FBXL18: variants seen among roughly 807,000 people sequenced by gnomAD.
FBXL18 encodes F-box/LRR-repeat protein 18.
In FBXL18, 36 loss-of-function variants were observed where a neutral mutation model predicts 46.0. That is an observed-to-expected ratio of 0.78 (90% CI 0.60 to 1.03). The LOEUF is 1.03. Ranked by LOEUF, FBXL18 falls within the 50% of genes least tolerant of loss-of-function variation. FBXL18 has a pLI of 0.00. For synonymous variants in FBXL18, 557 were observed against 465.3 expected (o/e 1.20, Z -2.54); for missense variants, 977 against 1,004.1 (o/e 0.97, Z 0.36).
At chr7:5,471,632 G>A (rs771846383), downstream of FBXL18, among the ~76,000 whole-genome samples, 10 of 151,658 alleles carry the variant, frequency 6.6e-5, 1 homozygote, top group South Asian at 6.3e-4. Context: ...GGATGGTCTC[G>A]ATCTCCTGAC....
chr7:5,493,358 G>A (rs986297929), intron 3 of FBXL18, among the ~76,000 whole-genome samples: 1 of 152,086 alleles, frequency 6.6e-6, no homozygotes, highest in African/African-American at 2.4e-5. Context: ...CTGGAGTGCA[G>A]TGGCGTGATC....
intron 2 of FBXL18, among the ~76,000 whole-genome samples, chr7:5,502,846 A>AC (rs1168696517): frequency 6.6e-6 from 1 of 152,010 alleles, no homozygotes; most frequent in African/African-American, 2.4e-5. Flanking sequence ...AAAAAAAAAA[A>AC]AACGGTTTGG....
chr7:5,510,817 C>T (rs911941157), intron 1 of FBXL18, among the ~76,000 whole-genome samples: 1 of 152,250 alleles, frequency 6.6e-6, no homozygotes, highest in South Asian at 2.1e-4. Context: ...GCTGAGGCTT[C>T]CAGACAGGTC....
chr7:5,502,014 C>T lies in FBXL18; in HGVS notation c.255G>A (p.Val85=), dbSNP rs565205564. 3 of 1,600,536 alleles carry T rather than the reference C, an allele frequency of 1.9e-6. No homozygotes were observed. The highest frequency in any genetic ancestry group is 4.5e-5 in the East Asian group (2 of 44,474). ...GGCCGATCTCCTTCACCAGCTGCCTCACTTTGTCCTCGCTCGCCTGCGGGA... is the reference window on the plus strand; with the variant it reads ...GGCCGATCTCCTTCACCAGCTGCCTTACTTTGTCCTCGCTCGCCTGCGGGA... The part of the protein sequence containing the change: ...QKDYQASEDK[V]RQLVKEIGRE... Residue 85 remains valine, a synonymous_variant, in exon 3 of 5, where the codon GTG becomes GTA. Transcript: ENST00000382368.
At chr7:5,489,892 C>G (rs1562690785) in intron 4 of FBXL18, 1 of 903,256 alleles carries the variant, frequency 1.1e-6, no homozygotes, top group Non-Finnish European at 1.5e-6. Flanking sequence ...TTGCAGTGAG[C>G]TGAGATCCCG....
At chr7:5,509,111 T>G (rs935868971) in intron 1 of FBXL18, among the ~76,000 whole-genome samples, 2 of 150,922 alleles carry the variant, frequency 1.3e-5, no homozygotes, top group Non-Finnish European at 2.9e-5. Flanking sequence ...AAGAATCGCT[T>G]GAACCCGGGA....
At chr7:5,492,781 A>G (rs1055090875) in intron 3 of FBXL18, among the ~76,000 whole-genome samples, 4 of 152,116 alleles carry the variant, frequency 2.6e-5, no homozygotes, top group African/African-American at 9.7e-5. Flanking sequence ...CGTGTCCACC[A>G]GCCAAGCAGT....
downstream of FBXL18, among the ~76,000 whole-genome samples, chr7:5,473,045 G>GT (rs1783454895): frequency 6.6e-6 from 1 of 152,084 alleles, no homozygotes. Flanking sequence ...GCAGCACAGA[G>GT]TATCAGCCCC....
chr7:5,463,716 A>AT (rs1783292924), intron 4 of FBXL18, among the ~76,000 whole-genome samples: 10 of 61,414 alleles, frequency 1.6e-4, no homozygotes, highest in Non-Finnish European at 2.4e-4. Context: ...TTATTTATTT[A>AT]TTTATTTATT....
rs756211838 is a variant in FBXL18 at position 5,490,234 on chromosome 7, G to C, written c.2000+997C>G. 18 of 1,319,446 alleles carry C rather than the reference G, an allele frequency of 1.4e-5. No homozygotes were observed. In the South Asian group the frequency reaches 2.2e-4, roughly 16 times the overall value. The allele number at this position is 1,319,446 out of a possible 1,614,324, so 81.7% of individuals were successfully genotyped here. On this transcript the variant is annotated intron_variant, in intron 4 of 4. Transcript: ENST00000382368. ...CCACCTGCAGGGACACGAACACTCA[G>C]GGCGTTCATGTCCTGCTGCCCCCTT... is the stretch of plus-strand genomic sequence containing the variant.
intron 4 of FBXL18, among the ~76,000 whole-genome samples, chr7:5,456,264 C>A (rs981936414): frequency 6.6e-6 from 1 of 152,234 alleles, no homozygotes. Context: ...TCCCCCTGCA[C>A]CAGTCAGCCT....
Position 5,496,234 on chromosome 7 carries a change from G to T in FBXL18, c.1781+4254C>A, listed in dbSNP as rs34794298. Among the ~76,000 whole-genome samples the T allele has an allele frequency of 0.15, 22,142 of 152,142 alleles. 1,725 individuals are homozygous for T. The highest frequency in any genetic ancestry group is 0.21 in the South Asian group (995 of 4,822). ...TCAGAGGTTGTTGAGAATATCAAAG[G>T]GGTCAAGACCTGTACACCCATGAAA... On this transcript the variant is annotated intron_variant, in intron 3 of 4. Transcript: ENST00000382368. This position sits in a 1 kb window ranked among gnomAD's most constrained non-coding sequence, Gnocchi z 4.8.
At chr7:5,473,605 T>C (rs1783462075), downstream of FBXL18, among the ~76,000 whole-genome samples, 1 of 146,408 alleles carries the variant, frequency 6.8e-6, no homozygotes, top group Non-Finnish European at 1.5e-5. Flanking sequence ...CTACTAAAAA[T>C]ACAAAAAACA....
At chr7:5,486,187 G>T (rs954627684) in intron 4 of FBXL18, among the ~76,000 whole-genome samples, 1 of 147,706 alleles carries the variant, frequency 6.8e-6, no homozygotes, top group Non-Finnish European at 1.5e-5. Flanking sequence ...GAAGGCAGAG[G>T]TTGCAGTGAA....
At chr7:5,460,691 G>A (rs1184179887) in intron 4 of FBXL18, among the ~76,000 whole-genome samples, 3 of 152,170 alleles carry the variant, frequency 2.0e-5, no homozygotes, top group Non-Finnish European at 2.9e-5. Flanking sequence ...GACCCCAAGC[G>A]ATCTGCCCAC....
At chr7:5,508,429 G>A (rs936050101) in intron 1 of FBXL18, among the ~76,000 whole-genome samples, 3 of 144,166 alleles carry the variant, frequency 2.1e-5, no homozygotes, top group East Asian at 2.0e-4. Context: ...GCAACAGAGC[G>A]AGACTTTGTC....
rs1784602456 is a variant in FBXL18 at position 5,513,742 on chromosome 7, G to A, written c.-68C>T. On this transcript the variant is annotated 5_prime_UTR_variant, in exon 1 of 5. Transcript: ENST00000382368. ...CGTGCCTCCCACCTGCCCGGCTAGG[G>A]ATGCTCGAAGCCGGCGCGTCCACCG... The A allele has an allele frequency of 1.3e-6, 2 of 1,562,544 alleles. No individual in the cohort carries two copies. The highest frequency in any genetic ancestry group is 2.4e-5 in the East Asian group (1 of 41,842).
At chr7:5,458,689 T>A (rs1316406114) in intron 4 of FBXL18, among the ~76,000 whole-genome samples, 1 of 143,698 alleles carries the variant, frequency 7.0e-6, no homozygotes, top group Non-Finnish European at 1.5e-5. Context: ...ACAGCGAGAC[T>A]CCGTCCCCCA....
intron 1 of FBXL18, among the ~76,000 whole-genome samples, chr7:5,506,434 T>C (rs1050211157): frequency 3.2e-4 from 48 of 151,546 alleles, no homozygotes; most frequent in African/African-American, 1.1e-3. Flanking sequence ...TTTGTATTTT[T>C]AGTAGAGACG....
Sources: allele counts gnomAD v4.1 joint callset (sites outside exome capture counted in the v4.1 genomes callset), GRCh38; gene constraint gnomAD v4.1.1; non-coding constraint Gnocchi (gnomAD v3.1); transcripts MANE v1.5; gene names NCBI Gene and HGNC (gene_info 2026-07-23, HGNC 2026-07-21).